The following MCPH1 variants were observed in gnomAD, a reference collection of about 807,000 sequenced individuals.
MCPH1 encodes microcephalin.
In MCPH1, 104 loss-of-function variants were observed where a neutral mutation model predicts 84.5. The ratio of observed to expected loss-of-function variants is 1.23; its 90% CI spans 1.05 to 1.45. MCPH1 has a LOEUF of 1.45. Among genes scored for constraint, MCPH1 ranks in the 40% most tolerant of loss-of-function variants. The pLI, the probability that MCPH1 is intolerant of heterozygous loss-of-function variation, is 0.00. For missense variants in MCPH1, 1,498 were observed against 1,005.7 expected (o/e 1.49, Z -6.62); for synonymous variants, 514 against 366.8 (o/e 1.40, Z -4.58).
At chr8:6,626,505 G>C in intron 13 of MCPH1, 1 of 967,856 alleles carries the variant, frequency 1.0e-6, no homozygotes, top group South Asian at 4.8e-5. Flanking sequence ...TTTTGAGAGA[G>C]CACACTTGTG....
At chr8:6,455,037 C>T in intron 8 of MCPH1, 106 bp from the exon 9 acceptor site, 1 of 848,286 alleles carries the variant, frequency 1.2e-6, no homozygotes, top group South Asian at 1.4e-5. Context: ...TTTAAAAGGC[C>T]TATAACTTCC....
intron 12 of MCPH1, chr8:6,509,139 G>A: frequency 6.5e-7 from 1 of 1,546,438 alleles, no homozygotes; most frequent in Non-Finnish European, 8.7e-7. Context: ...TTGTGATGAA[G>A]AATTCCATTC....
At position 6,474,718 on chromosome 8, in the gene MCPH1, G is replaced by C. The variant is rs996542134; in HGVS notation, c.1936-2876G>C. On this transcript the variant is annotated intron_variant, in intron 9 of 13. Coordinates refer to ENST00000344683, the MANE Select transcript of MCPH1 (RefSeq NM_024596.5). The stretch of plus-strand genomic sequence containing the variant: ...AAGTAGAATAGCAATGTATAGTGTG[G>C]CTGGGCACAGTGGCTCATGCCTATA... 3.3e-5 allele frequency among the ~76,000 whole-genome samples: 5 copies of C among 152,142 alleles called. 1 individual carries two copies. Among genetic ancestry groups the C allele is most frequent in the African/African-American group, 1.2e-4 (5 of 41,426 alleles).
chr8:6,461,758 A>G (rs948253784), intron 9 of MCPH1, among the ~76,000 whole-genome samples: 1 of 152,214 alleles, frequency 6.6e-6, no homozygotes, highest in Non-Finnish European at 1.5e-5. Flanking sequence ...GAGAAATAGA[A>G]AATATTATGA....
rs1191639300 is a variant in MCPH1 at position 6,547,043 on chromosome 8, G to A, written c.2214+47114G>A. On this transcript the variant is annotated intron_variant, in intron 12 of 13. Coordinates refer to ENST00000344683, the MANE Select transcript of MCPH1 (RefSeq NM_024596.5). ...GAAGCGTTCTCAGAGCAACATGCAC[G>A]TGTTCCGTGTGTACCGTGGTTGCCT... Among the ~76,000 whole-genome samples, 8 of 152,074 alleles carry A rather than the reference G, an allele frequency of 5.3e-5. No individual in the cohort carries two copies. The East Asian group carries it at 5.8e-4, about 11-fold the overall frequency.
chr8:6,457,627 A>AT (rs1254030483), intron 9 of MCPH1, among the ~76,000 whole-genome samples: 9 of 151,764 alleles, frequency 5.9e-5, no homozygotes, highest in African/African-American at 2.2e-4. Flanking sequence ...ATAAATGCTG[A>AT]TTTTCTGGCC....
chr8:6,446,939 T>C, intron 8 of MCPH1: 1 of 985,344 alleles, frequency 1.0e-6, no homozygotes, highest in Non-Finnish European at 1.2e-6. Flanking sequence ...GGGCCAGCAC[T>C]AGTTGACTCA....
At chr8:6,636,230 CTTGGGAGGCTG>C (rs1270445685) in intron 13 of MCPH1, among the ~76,000 whole-genome samples, 1 of 151,534 alleles carries the variant, frequency 6.6e-6, no homozygotes, top group Non-Finnish European at 1.5e-5. Flanking sequence ...GTCCCAGCTA[CTTGGGAGGCTG>C]AGGCAGGGGA....
intron 10 of MCPH1, among the ~76,000 whole-genome samples, chr8:6,480,197 C>T (rs1052545812): frequency 6.6e-6 from 1 of 151,156 alleles, no homozygotes; most frequent in Non-Finnish European, 1.5e-5. Flanking sequence ...GATCGCGGCT[C>T]ACTGCAACCT....
intron 12 of MCPH1, among the ~76,000 whole-genome samples, chr8:6,512,848 A>C (rs987829844): frequency 6.6e-6 from 1 of 152,200 alleles, no homozygotes; most frequent in South Asian, 2.1e-4. Flanking sequence ...TGTGAATCTG[A>C]TGTATTTCCT....
At chr8:6,612,143 C>T (rs1169818711) in intron 12 of MCPH1, among the ~76,000 whole-genome samples, 1 of 152,188 alleles carries the variant, frequency 6.6e-6, no homozygotes, top group South Asian at 2.1e-4. Context: ...GGACGTTCTT[C>T]TGCATCGCTC....
rs150833443 is a variant in MCPH1 at position 6,602,262 on chromosome 8, G to A, written c.2215-19192G>A. ...GAGCCTTAAGCACCAAGAGCAGGGC[G>A]GTGCACACTTTGTCTGGCACGGGCT... On this transcript the variant is annotated intron_variant, in intron 12 of 13. Transcript: ENST00000344683. Among the ~76,000 whole-genome samples the A allele has an allele frequency of 3.6e-3, 546 of 152,280 alleles. 6 individuals carry two copies. Among genetic ancestry groups the A allele is most frequent in the African/African-American group, 0.013 (531 of 41,554 alleles).
chr8:6,448,992 TGTG>T lies in MCPH1; in HGVS notation c.1825+3450_1825+3452del, dbSNP rs769307612. Among the ~76,000 whole-genome samples, 25 of 152,238 alleles carry T rather than the reference TGTG, an allele frequency of 1.6e-4. 1 individual carries two copies. In the South Asian group the frequency reaches 1.7e-3, roughly 10 times the overall value. On this transcript the variant is annotated intron_variant, in intron 8 of 13. Coordinates refer to ENST00000344683, the MANE Select transcript of MCPH1 (RefSeq NM_024596.5). Reference sequence around the variant, plus strand: ...TATTAATGAGAAAAATAAAATAATTTGTGGTGGGGGAATAATAACATTTCATTT... The same window carrying T: ...TATTAATGAGAAAAATAAAATAATTTGTGGGGGAATAATAACATTTCATTT...
intron 3 of MCPH1, among the ~76,000 whole-genome samples, chr8:6,426,121 T>G (rs1473323663): frequency 3.3e-5 from 5 of 152,240 alleles, no homozygotes; most frequent in African/African-American, 1.2e-4. Flanking sequence ...TTCCCATCAC[T>G]TTTATTAGAT....
intron 12 of MCPH1, chr8:6,562,571 T>G (rs1586640016): frequency 4.7e-6 from 2 of 421,966 alleles, no homozygotes; most frequent in East Asian, 4.2e-5. Flanking sequence ...TTTTTTTTTT[T>G]GGTTGTTAAA....
chr8:6,623,013 C>CTTTTT (rs1164226735), intron 13 of MCPH1, among the ~76,000 whole-genome samples: 1,005 of 109,642 alleles, frequency 9.2e-3, no homozygotes, highest in Non-Finnish European at 0.012. Context: ...GCTTTACTTT[C>CTTTTT]TTTTTTTTTT....
intron 12 of MCPH1, among the ~76,000 whole-genome samples, chr8:6,614,836 TTTGAC>T (rs1211897723): frequency 6.6e-6 from 1 of 152,022 alleles, no homozygotes; most frequent in Non-Finnish European, 1.5e-5. Context: ...TCCTGGTGAG[TTTGAC>T]TTTTCATTCT....
At chr8:6,593,503 C>T (rs927263001) in intron 12 of MCPH1, among the ~76,000 whole-genome samples, 10 of 152,032 alleles carry the variant, frequency 6.6e-5, no homozygotes, top group Admixed American at 1.3e-4. Flanking sequence ...TATAGGCACA[C>T]GCCACCACGC....
chr8:6,621,958 G>A (rs1225911293), intron 13 of MCPH1, among the ~76,000 whole-genome samples: 2 of 152,154 alleles, frequency 1.3e-5, no homozygotes, highest in African/African-American at 4.8e-5. Flanking sequence ...AAAAATCCAG[G>A]CTACCCAAAG....
Sources: allele counts gnomAD v4.1 joint callset (sites outside exome capture counted in the v4.1 genomes callset), GRCh38; gene constraint gnomAD v4.1.1; transcripts MANE v1.5; gene names NCBI Gene and HGNC (gene_info 2026-07-23, HGNC 2026-07-21).